The following SNTB2 variants were observed in gnomAD, a reference collection of about 807,000 sequenced individuals.
SNTB2 encodes beta-2-syntrophin.
Under a neutral mutation model 46.2 loss-of-function variants are expected in SNTB2, and 34 were observed. The observed-to-expected ratio is 0.74, with a 90% confidence interval of 0.56 to 0.98. SNTB2 has a LOEUF of 0.98. Ranked by LOEUF, SNTB2 falls within the 50% of genes least tolerant of loss-of-function variation. SNTB2 has a pLI of 0.00. For synonymous variants in SNTB2, 290 were observed against 312.6 expected (o/e 0.93, Z 0.76); for missense variants, 603 against 731.4 (o/e 0.82, Z 2.02).
chr16:69,239,186 A>T (rs1440808259), intron 1 of SNTB2, among the ~76,000 whole-genome samples: 1 of 152,152 alleles, frequency 6.6e-6, no homozygotes, highest in Non-Finnish European at 1.5e-5. Flanking sequence ...TTGTTCAAAC[A>T]TCTTATTAAT....
In SNTB2 at chr16:69,187,231, C is replaced by T. The variant is rs1043939108; in HGVS notation, c.65C>T (p.Ala22Val). The T allele has an allele frequency of 2.1e-6, 3 of 1,452,698 alleles. No individual in the cohort carries two copies. The highest frequency in any genetic ancestry group is 2.8e-5 in the East Asian group (1 of 35,586). The allele number at this position is 1,452,698 out of a possible 1,614,324, so 90.0% of individuals were successfully genotyped here. Residue 22 changes from alanine to valine, a missense_variant, in exon 1 of 7, where the codon GCC becomes GTC. Transcript: ENST00000336278. ...CCGGCCATGGCGGTGTGGACGCGGG[C>T]CACCAAAGCGGGGCTGGTGGAGCTG... is the stretch of plus-strand genomic sequence containing the variant. ...AGPAMAVWTR[A>V]TKAGLVELLL... is the part of the protein sequence containing the mutation.
chr16:69,295,443 T>G (rs896188803), intron 5 of SNTB2, among the ~76,000 whole-genome samples: 8 of 151,588 alleles, frequency 5.3e-5, no homozygotes, highest in African/African-American at 1.9e-4. Context: ...AGAGACAGGG[T>G]TTCACCATAT....
chr16:69,216,387 A>G (rs770111784), intron 1 of SNTB2, among the ~76,000 whole-genome samples: 47 of 152,276 alleles, frequency 3.1e-4, no homozygotes, highest in Non-Finnish European at 5.7e-4. Flanking sequence ...TTATATATAA[A>G]GAAATTGAAA....
At chr16:69,204,126 C>T (rs2152290524) in intron 1 of SNTB2, among the ~76,000 whole-genome samples, 1 of 148,032 alleles carries the variant, frequency 6.8e-6, no homozygotes, top group African/African-American at 2.6e-5. Flanking sequence ...CTTCTGACCT[C>T]AAGCGATCCA....
At chr16:69,199,867 G>A (rs1223548186) in intron 1 of SNTB2, among the ~76,000 whole-genome samples, 2 of 151,808 alleles carry the variant, frequency 1.3e-5, no homozygotes, top group East Asian at 1.9e-4. Flanking sequence ...GAGAAAGGGG[G>A]ACTTTTAAAA....
At chr16:69,249,848 C>T (rs1397261744) in intron 2 of SNTB2, among the ~76,000 whole-genome samples, 1 of 152,084 alleles carries the variant, frequency 6.6e-6, no homozygotes, top group African/African-American at 2.4e-5. Flanking sequence ...CCTGTAATCC[C>T]AGCACTTTGA....
intron 1 of SNTB2, among the ~76,000 whole-genome samples, chr16:69,231,604 A>G (rs1964507065): frequency 6.6e-6 from 1 of 152,214 alleles, no homozygotes; most frequent in Non-Finnish European, 1.5e-5. Flanking sequence ...CAAATGAACA[A>G]ACAAAACAGA....
intron 1 of SNTB2, among the ~76,000 whole-genome samples, chr16:69,242,696 G>A (rs537998938): frequency 2.0e-5 from 3 of 152,262 alleles, no homozygotes; most frequent in South Asian, 4.1e-4. Flanking sequence ...TGCTTTTGGG[G>A]TGGGAGGAAG....
At chr16:69,193,228 T>G (rs1008566065) in intron 1 of SNTB2, among the ~76,000 whole-genome samples, 7 of 151,034 alleles carry the variant, frequency 4.6e-5, no homozygotes, top group African/African-American at 1.7e-4. Flanking sequence ...CCATCTGTAT[T>G]TTAAAAATGA....
intron 1 of SNTB2, among the ~76,000 whole-genome samples, chr16:69,228,660 C>G (rs1964480150): frequency 6.6e-6 from 1 of 151,984 alleles, no homozygotes; most frequent in South Asian, 2.1e-4. Flanking sequence ...GTCCACTATA[C>G]TATACTCTCT....
intron 1 of SNTB2, among the ~76,000 whole-genome samples, chr16:69,200,328 C>A (rs1169060148): frequency 2.0e-5 from 3 of 152,188 alleles, no homozygotes; most frequent in African/African-American, 7.2e-5. Flanking sequence ...ATACCTATTT[C>A]TTAGCATCAG....
intron 5 of SNTB2, among the ~76,000 whole-genome samples, chr16:69,288,039 TA>T (rs1204179105): frequency 6.0e-5 from 9 of 150,646 alleles, no homozygotes; most frequent in East Asian, 1.9e-4. Flanking sequence ...AAATGAGGTT[TA>T]AAAAAAAATA....
At chr16:69,287,065 G>A (rs189793078) in intron 5 of SNTB2, among the ~76,000 whole-genome samples, 28 of 152,282 alleles carry the variant, frequency 1.8e-4, no homozygotes, top group Non-Finnish European at 3.2e-4. Context: ...TTGAAAATGT[G>A]TGCCCAACAC....
intron 1 of SNTB2, among the ~76,000 whole-genome samples, chr16:69,203,082 G>A (rs1412368204): frequency 2.0e-5 from 3 of 151,618 alleles, no homozygotes; most frequent in Admixed American, 6.6e-5. Flanking sequence ...TCAGGGGCGC[G>A]ATCTCAGCTC....
intron 1 of SNTB2, among the ~76,000 whole-genome samples, chr16:69,219,438 G>A (rs969154792): frequency 4.6e-5 from 7 of 152,182 alleles, no homozygotes; most frequent in Non-Finnish European, 7.3e-5. Flanking sequence ...ATTGCAGAAT[G>A]TGATGATTTA....
chr16:69,257,318 G>A (rs1473161044), intron 2 of SNTB2, among the ~76,000 whole-genome samples: 1 of 151,934 alleles, frequency 6.6e-6, no homozygotes, highest in Non-Finnish European at 1.5e-5. Context: ...TAAATAAAAA[G>A]CAAATAGCTT....
At chr16:69,267,376 T>C (rs1051281117) in intron 3 of SNTB2, among the ~76,000 whole-genome samples, 4 of 152,208 alleles carry the variant, frequency 2.6e-5, no homozygotes, top group Admixed American at 1.3e-4. Flanking sequence ...ATATAACCTA[T>C]TGAAATATTG....
intron 1 of SNTB2, among the ~76,000 whole-genome samples, chr16:69,196,869 G>T (rs565513501): frequency 1.3e-5 from 2 of 152,298 alleles, no homozygotes; most frequent in Admixed American, 1.3e-4. Flanking sequence ...TGCCTCTCTG[G>T]TGGATCAGTT....
chr16:69,303,991 T>G lies in SNTB2; in HGVS notation c.*3067T>G, dbSNP rs1046597643. 13 of 152,240 alleles carry G rather than the reference T, an allele frequency of 8.5e-5. No homozygotes were observed. The highest frequency in any genetic ancestry group is 3.1e-4 in the African/African-American group (13 of 41,456). The allele number at this position is 152,240 out of a possible 1,614,324, so 9.4% of individuals were successfully genotyped here. A position where few individuals can be genotyped will look rare whatever the true frequency, so the allele number is the denominator to read the frequency against. On this transcript the variant is annotated 3_prime_UTR_variant, in exon 7 of 7. Coordinates refer to ENST00000336278, the MANE Select transcript of SNTB2 (RefSeq NM_006750.4). ...CCCCATTCAGAGGGACTGCTTCCTG[T>G]GCCCCCCAGACCCGGGGCTTCGACA... is the stretch of plus-strand genomic sequence containing the variant.
Sources: allele counts gnomAD v4.1 joint callset (sites outside exome capture counted in the v4.1 genomes callset), GRCh38; gene constraint gnomAD v4.1.1; transcripts MANE v1.5; gene names NCBI Gene and HGNC (gene_info 2026-07-23, HGNC 2026-07-21).